ANKRD28: variants seen among roughly 807,000 people sequenced by gnomAD.
ANKRD28 encodes the protein serine/threonine-protein phosphatase 6 regulatory ankyrin repeat subunit A.
A neutral mutation model predicts 126.5 loss-of-function variants in ANKRD28; 44 were observed. That is an observed-to-expected ratio of 0.35 (90% CI 0.27 to 0.45). The LOEUF is 0.45. Ranked by LOEUF, ANKRD28 falls within the 20% of genes least tolerant of loss-of-function variation. The pLI, the probability that ANKRD28 is intolerant of heterozygous loss-of-function variation, is 1.00. For missense variants in ANKRD28, 1,110 were observed against 1,316.6 expected, an observed-to-expected ratio of 0.84 and a Z score of 2.43; for synonymous variants, 442 against 468.5, an observed-to-expected ratio of 0.94 and a Z score of 0.73.
chr3:15,715,336 A>G (rs2072876047), intron 8 of ANKRD28, among the ~76,000 whole-genome samples: 1 of 152,232 alleles, frequency 6.6e-6, no homozygotes, highest in African/African-American at 2.4e-5. Flanking sequence ...TCACAGCAAC[A>G]TTCAGCATGC....
chr3:15,692,595 T>C (rs948096040), intron 17 of ANKRD28, among the ~76,000 whole-genome samples: 1 of 152,200 alleles, frequency 6.6e-6, no homozygotes. Flanking sequence ...ATGACTAAAA[T>C]TAGGAATCAA....
intron 1 of ANKRD28, among the ~76,000 whole-genome samples, chr3:15,837,638 G>A (rs1314837418): frequency 6.6e-6 from 1 of 152,108 alleles, no homozygotes; most frequent in African/African-American, 2.4e-5. Context: ...ATAGGATACA[G>A]ACAATGCAGT....
chr3:15,740,535 T>C (rs1406707693), intron 4 of ANKRD28, among the ~76,000 whole-genome samples: 1 of 152,128 alleles, frequency 6.6e-6, no homozygotes, highest in Non-Finnish European at 1.5e-5. Flanking sequence ...TGGGAAATGT[T>C]AGTAGGTATG....
At chr3:15,750,952 G>A (rs1199914746) in intron 4 of ANKRD28, among the ~76,000 whole-genome samples, 1 of 151,682 alleles carries the variant, frequency 6.6e-6, no homozygotes, top group East Asian at 1.9e-4. Flanking sequence ...TACAACTACT[G>A]TAAAGTAGGT....
chr3:15,859,462 G>A, exon 1 of ANKRD28: 4 of 1,440,386 alleles, frequency 2.8e-6, no homozygotes, highest in Non-Finnish European at 3.7e-6. Context: ...CGCTGCCGCC[G>A]CCGACCGGCC....
At chr3:15,686,391 A>T in intron 18 of ANKRD28, 82 bp from the exon 19 acceptor site, 1 of 1,165,618 alleles carries the variant, frequency 8.6e-7, no homozygotes, top group Non-Finnish European at 1.2e-6. Context: ...CATCTTCTAG[A>T]ATTTACTTTT....
Position 15,679,330 on chromosome 3 carries a change from G to C in ANKRD28, c.2532C>G (p.Ser844Arg). The C allele has an allele frequency of 6.2e-7, 1 of 1,613,928 alleles. No homozygotes were observed. Among genetic ancestry groups the C allele is most frequent in the Non-Finnish European group, 8.5e-7 (1 of 1,179,858 alleles). ...AEMLIDTLGA[S>R]IVNATDSKGR... is the part of the protein sequence containing the mutation. ...CTTTTGAATCTGTGGCGTTCACAATGCTGGCACCTAATGTATCAATTAACA... is the reference window on the plus strand; with the variant it reads ...CTTTTGAATCTGTGGCGTTCACAATCCTGGCACCTAATGTATCAATTAACA... Residue 844 changes from serine to arginine, a missense_variant, in exon 23 of 28, where the codon AGC becomes AGG. Coordinates refer to ENST00000683139, the MANE Select transcript of ANKRD28 (RefSeq NM_001349278.2).
intron 8 of ANKRD28, among the ~76,000 whole-genome samples, chr3:15,716,791 G>A (rs976579636): frequency 1.9e-4 from 29 of 152,174 alleles, no homozygotes; most frequent in African/African-American, 6.0e-4. Flanking sequence ...CACGTTTCAC[G>A]CACAGTTTTA....
intron 18 of ANKRD28, 139 bp downstream of exon 18, chr3:15,689,880 G>A: frequency 1.4e-6 from 1 of 716,514 alleles, no homozygotes; most frequent in South Asian, 2.1e-5. Context: ...ATTTGGTGAG[G>A]TCAAATAATC....
chr3:15,712,733 G>T (rs918000602), intron 10 of ANKRD28, among the ~76,000 whole-genome samples: 1 of 152,136 alleles, frequency 6.6e-6, no homozygotes, highest in African/African-American at 2.4e-5. Context: ...TAAGGAGAAT[G>T]AATATATTGT....
intron 4 of ANKRD28, 68 bp from the exon 5 acceptor site, chr3:15,737,301 T>C: frequency 1.6e-6 from 2 of 1,264,564 alleles, no homozygotes; most frequent in Non-Finnish European, 2.2e-6. Context: ...CTATATATAG[T>C]GTGCGTGTGT....
chr3:15,763,265 T>C (rs2058584226), intron 3 of ANKRD28, among the ~76,000 whole-genome samples: 1 of 152,238 alleles, frequency 6.6e-6, no homozygotes, highest in Admixed American at 6.5e-5. Context: ...ACTTACCTGA[T>C]ACCCTTCAAC....
intron 4 of ANKRD28, among the ~76,000 whole-genome samples, chr3:15,739,804 G>A (rs1404637236): frequency 6.6e-6 from 1 of 152,198 alleles, no homozygotes; most frequent in Non-Finnish European, 1.5e-5. Context: ...AATAGCACCA[G>A]TACTTAACAG....
intron 14 of ANKRD28, among the ~76,000 whole-genome samples, chr3:15,703,789 T>A (rs2070961156): frequency 6.6e-6 from 1 of 152,042 alleles, no homozygotes; most frequent in Non-Finnish European, 1.5e-5. Context: ...GACGGAAGAG[T>A]TATGAAGTGC....
chr3:15,712,187 G>A lies in ANKRD28; in HGVS notation c.1226C>T (p.Ala409Val). The A allele has an allele frequency of 6.3e-7, 1 of 1,586,238 alleles. No individual in the cohort carries two copies. Among genetic ancestry groups the A allele is most frequent in the Non-Finnish European group, 8.6e-7 (1 of 1,165,800 alleles). The change falls in exon 11 of 28, where the codon GCA (alanine) becomes GTA (valine). Residue 409 changes from alanine to valine, a missense_variant. Physicochemically the swap from Ala to Val is moderately conservative, Grantham distance 64 (BLOSUM62 0). Coordinates refer to ENST00000683139, the MANE Select transcript of ANKRD28 (RefSeq NM_001349278.2). ...GIHGMFPLHLAALSGFSDCCR... is the reference protein window; with the variant it reads ...GIHGMFPLHLVALSGFSDCCR... ...GCAATCTGAAAAGCCGCTTAAGGCT[G>A]CCAAATGGAGGGGGAACATTCCATG...
At chr3:15,851,544 AAAATAAATAAATAAATAAATAAATAAAT>A (rs141544673) in intron 1 of ANKRD28, among the ~76,000 whole-genome samples, 15 of 145,652 alleles carry the variant, frequency 1.0e-4, no homozygotes, top group Middle Eastern at 3.5e-3. Context: ...ACTCTGTGTC[AAAATAAATAAATAAATAAATAAATAAAT>A]AAATAAATAA....
chr3:15,727,076 A>G (rs2074227896), intron 6 of ANKRD28, among the ~76,000 whole-genome samples: 1 of 152,230 alleles, frequency 6.6e-6, no homozygotes, highest in Non-Finnish European at 1.5e-5. Context: ...GCCACCCAAG[A>G]GCTCTTACAG....
At chr3:15,713,371 T>A (rs1232988912) in intron 10 of ANKRD28, among the ~76,000 whole-genome samples, 156 bp downstream of exon 10, 1 of 152,196 alleles carries the variant, frequency 6.6e-6, no homozygotes, top group Non-Finnish European at 1.5e-5. Flanking sequence ...TTTAAACATT[T>A]TAACCTACCA....
chr3:15,814,314 A>G lies in ANKRD28; in HGVS notation c.28-19008T>C. On this transcript the variant is annotated intron_variant, in intron 1 of 27. Coordinates refer to the ANKRD28 transcript ENST00000399451. The surrounding 1 kb of genome is among the most constrained non-coding windows in gnomAD (Gnocchi z 4.7). Reference sequence around the variant, plus strand: ...GTTTCAATTCCAATCACAGGCCTGTAGCAGAAAACAGATATCAAAAGAAAG... The same window carrying G: ...GTTTCAATTCCAATCACAGGCCTGTGGCAGAAAACAGATATCAAAAGAAAG... 7.9e-7 allele frequency: 1 copy of G among 1,272,804 alleles called. No homozygotes were observed. The highest frequency in any genetic ancestry group is 1.3e-5 in the South Asian group (1 of 77,630). The allele number at this position is 1,272,804 out of a possible 1,614,324, so 78.8% of individuals were successfully genotyped here.
Sources: gnomAD v4.1 joint callset for allele counts (sites outside exome capture counted in the v4.1 genomes callset) on GRCh38, gnomAD v4.1.1 for gene constraint, Gnocchi (gnomAD v3.1) non-coding constraint, MANE v1.5 for transcripts, NCBI Gene and HGNC (gene_info 2026-07-23, HGNC 2026-07-21) for gene names.